The following PCNX2 variants were observed in gnomAD, a reference collection of about 807,000 sequenced individuals.
PCNX2 encodes the protein pecanex-like protein 2.
In PCNX2, 168 loss-of-function variants were observed where a neutral mutation model predicts 223.8. The ratio of observed to expected loss-of-function variants is 0.75; its 90% CI spans 0.66 to 0.85. The LOEUF is 0.85. PCNX2 is among the 40% of genes least tolerant of loss of function. The probability of loss-of-function intolerance (pLI) is 0.00; values close to 1 mark genes in which losing one functional copy is unlikely to be tolerated. For synonymous variants in PCNX2, 1,006 were observed against 1,052.6 expected (o/e 0.96, Z 0.86); for missense variants, 2,507 against 2,675.5 (o/e 0.94, Z 1.39).
At chr1:233,166,641 C>G (rs945557748) in intron 17 of PCNX2, among the ~76,000 whole-genome samples, 2 of 152,138 alleles carry the variant, frequency 1.3e-5, no homozygotes, top group Non-Finnish European at 2.9e-5. Flanking sequence ...ACTCTTGATG[C>G]TAGTTAATGA....
the PCNX2 span, among the ~76,000 whole-genome samples, chr1:233,304,395 A>G: frequency 1.3e-5 from 2 of 152,230 alleles, no homozygotes; most frequent in African/African-American, 4.8e-5. Flanking sequence ...GAAGGGAAAT[A>G]CAGACGACAA....
chr1:233,302,748 T>G, the PCNX2 span, among the ~76,000 whole-genome samples: 1 of 152,078 alleles, frequency 6.6e-6, no homozygotes, highest in Non-Finnish European at 1.5e-5. Flanking sequence ...ATTCAGAATA[T>G]TTTCTAATTT....
chr1:233,257,992 T>G, intron 5 of PCNX2, 36 bp downstream of exon 5: 1 of 1,587,848 alleles, frequency 6.3e-7, no homozygotes. Flanking sequence ...TTGCCTTCTA[T>G]GTCATCATCA....
At chr1:233,219,007 A>C (rs1233971172) in intron 10 of PCNX2, among the ~76,000 whole-genome samples, 1 of 152,112 alleles carries the variant, frequency 6.6e-6, no homozygotes, top group Non-Finnish European at 1.5e-5. Flanking sequence ...ACTTCCTGAC[A>C]GTGCAGAGGA....
chr1:233,194,308 A>G (rs1680593503), intron 15 of PCNX2, among the ~76,000 whole-genome samples: 1 of 150,042 alleles, frequency 6.7e-6, no homozygotes, highest in Non-Finnish European at 1.5e-5. Flanking sequence ...GATATCCTTC[A>G]AAAGTGAAGG....
intron 5 of PCNX2, 52 bp from the exon 6 acceptor site, chr1:233,252,840 A>T: frequency 1.4e-6 from 2 of 1,463,108 alleles, no homozygotes; most frequent in Non-Finnish European, 1.8e-6. Context: ...ATCAATGTGA[A>T]AACTCTGGGA....
At chr1:233,063,948 T>C (rs562523499) in intron 23 of PCNX2, among the ~76,000 whole-genome samples, 48 of 152,304 alleles carry the variant, frequency 3.2e-4, no homozygotes, top group Admixed American at 7.2e-4. Flanking sequence ...CTATATGCAT[T>C]TATTTTTATA....
rs1200089479 is a variant in PCNX2, at chr1:233,295,403, C to T, written c.76G>A (p.Glu26Lys). The change falls in exon 1 of 34, where the codon GAG becomes AAG. Residue 26 changes from glutamate to lysine, a missense_variant. Coordinates refer to ENST00000258229, the MANE Select transcript of PCNX2 (RefSeq NM_014801.4). The surrounding 1 kb of genome is among the most constrained non-coding windows in gnomAD (Gnocchi z 4.1). ...CAGCTGTTGGTGAACTTGCTCTGCT[C>T]CGGGTCGTGGTACCAGCCCCCGGTG... ...ALTGGWYHDP[E>K]QSKFTNSCHL... 2.6e-6 allele frequency: 4 copies of T among 1,553,966 alleles called. No individual in the cohort carries two copies. Among genetic ancestry groups the T allele is most frequent in the Non-Finnish European group, 1.7e-6 (2 of 1,148,354 alleles).
At chr1:233,071,346 G>A (rs1301089156) in intron 23 of PCNX2, among the ~76,000 whole-genome samples, 1 of 152,056 alleles carries the variant, frequency 6.6e-6, no homozygotes, top group Non-Finnish European at 1.5e-5. Context: ...GTCCCAGTGT[G>A]CGTTTTTCCC....
chr1:233,078,301 C>G (rs952187613), intron 23 of PCNX2, among the ~76,000 whole-genome samples: 1 of 152,338 alleles, frequency 6.6e-6, no homozygotes, highest in African/African-American at 2.4e-5. Flanking sequence ...ATTAGAAATG[C>G]TCAGGATTCT....
At chr1:233,046,582 T>C in intron 25 of PCNX2, among the ~76,000 whole-genome samples, 1 of 152,164 alleles carries the variant, frequency 6.6e-6, no homozygotes, top group East Asian at 1.9e-4. Flanking sequence ...GAACTATCAT[T>C]TTTTTCTCAA....
intron 24 of PCNX2, 184 bp from the exon 25 acceptor site, chr1:233,054,667 A>G: frequency 1.8e-6 from 1 of 556,676 alleles, no homozygotes; most frequent in South Asian, 2.4e-5. Context: ...TTTTCCCTCA[A>G]TATTCTCTCT....
At chr1:233,207,390 G>C (rs1297656153) in intron 13 of PCNX2, among the ~76,000 whole-genome samples, 1 of 152,166 alleles carries the variant, frequency 6.6e-6, no homozygotes, top group Non-Finnish European at 1.5e-5. Context: ...TAGTGATGTT[G>C]GTAGAAGCTG....
intron 20 of PCNX2, among the ~76,000 whole-genome samples, chr1:233,137,031 C>T (rs2102770437): frequency 6.6e-6 from 1 of 152,178 alleles, no homozygotes; most frequent in East Asian, 1.9e-4. Flanking sequence ...TATAACATTG[C>T]AATAGTAACA....
At chr1:233,287,594 C>T (rs543839309) in intron 1 of PCNX2, among the ~76,000 whole-genome samples, 120 of 152,308 alleles carry the variant, frequency 7.9e-4, no homozygotes, top group African/African-American at 2.8e-3. Context: ...GACTGTGAGG[C>T]CTCCCTAGCC....
intron 22 of PCNX2, among the ~76,000 whole-genome samples, chr1:233,092,518 C>T (rs905747532): frequency 2.0e-5 from 3 of 152,086 alleles, no homozygotes; most frequent in East Asian, 3.9e-4. Flanking sequence ...AAGGAAATGA[C>T]GTTTAACAGG....
intron 25 of PCNX2, among the ~76,000 whole-genome samples, chr1:233,046,691 C>T (rs1464312492): frequency 6.6e-6 from 1 of 152,202 alleles, no homozygotes; most frequent in East Asian, 1.9e-4. Context: ...CAGAGATCCT[C>T]CTGGGCAGTC....
chr1:233,241,552 A>AGTGGT (rs1276409556), intron 8 of PCNX2, among the ~76,000 whole-genome samples: 3 of 152,332 alleles, frequency 2.0e-5, no homozygotes, highest in African/African-American at 7.2e-5. Flanking sequence ...ATTCCAAGGT[A>AGTGGT]GACCCAGGTG....
At chr1:233,164,705 T>A (rs1010976609) in intron 17 of PCNX2, among the ~76,000 whole-genome samples, 2 of 151,982 alleles carry the variant, frequency 1.3e-5, no homozygotes, top group African/African-American at 2.4e-5. Flanking sequence ...TAAAAAAGAA[T>A]GTAATCCTGT....
Sources: gnomAD v4.1 joint callset for allele counts (sites outside exome capture counted in the v4.1 genomes callset) on GRCh38, gnomAD v4.1.1 for gene constraint, Gnocchi (gnomAD v3.1) non-coding constraint, MANE v1.5 for transcripts, NCBI Gene and HGNC (gene_info 2026-07-23, HGNC 2026-07-21) for gene names.